PACSIN2: variants seen among roughly 807,000 people sequenced by gnomAD.
PACSIN2 encodes the protein protein kinase C and casein kinase substrate in neurons protein 2.
Under a neutral mutation model 63.8 loss-of-function variants are expected in PACSIN2, and 25 were observed. The ratio of observed to expected loss-of-function variants is 0.39; its 90% CI spans 0.29 to 0.55. The LOEUF (loss-of-function observed/expected upper bound fraction) is 0.55, where lower values mean the gene tolerates loss of function less well. PACSIN2 is among the 20% of genes least tolerant of loss of function. The pLI, the probability that PACSIN2 is intolerant of heterozygous loss-of-function variation, is 0.62. For missense variants in PACSIN2, 518 were observed against 646.9 expected (o/e 0.80, Z 2.16); for synonymous variants, 255 against 256.2 (o/e 1.00, Z 0.05).
intron 9 of PACSIN2, 33 bp downstream of exon 9, chr22:42,876,855 C>T (rs377715805): frequency 1.5e-4 from 243 of 1,613,482 alleles, no homozygotes; most frequent in East Asian, 6.0e-4. Flanking sequence ...AGAGTGAGCG[C>T]GGTGGGAGCA....
At chr22:42,908,595 G>A (rs566619453) in intron 2 of PACSIN2, among the ~76,000 whole-genome samples, 1 of 152,338 alleles carries the variant, frequency 6.6e-6, no homozygotes, top group South Asian at 2.1e-4. Context: ...GCCTGTGGGC[G>A]GGCCAGACCA....
intron 2 of PACSIN2, among the ~76,000 whole-genome samples, chr22:42,904,018 T>C (rs1351698700): frequency 6.6e-6 from 1 of 152,144 alleles, no homozygotes; most frequent in African/African-American, 2.4e-5. Flanking sequence ...GAGTTACGAA[T>C]CTTTAACTGA....
intron 2 of PACSIN2, among the ~76,000 whole-genome samples, chr22:42,895,582 A>T (rs1930221649): frequency 6.6e-6 from 1 of 152,220 alleles, no homozygotes; most frequent in African/African-American, 2.4e-5. Context: ...TGTTGGTACC[A>T]CCCATCGGCA....
intron 1 of PACSIN2, among the ~76,000 whole-genome samples, chr22:42,933,758 G>A (rs141385918): frequency 3.3e-5 from 5 of 152,328 alleles, no homozygotes; most frequent in East Asian, 1.9e-4. Context: ...GCAGAACAAC[G>A]GACTTTTCCC....
intron 9 of PACSIN2, 53 bp downstream of exon 9, chr22:42,876,831 AGAGG>A: frequency 6.2e-7 from 1 of 1,610,024 alleles, no homozygotes; most frequent in Admixed American, 1.7e-5. Context: ...GGACAGAGAG[AGAGG>A]AAGAGAGACA....
intron 1 of PACSIN2, among the ~76,000 whole-genome samples, chr22:42,987,502 C>T (rs1392728692): frequency 1.5e-5 from 2 of 133,306 alleles, no homozygotes; most frequent in Non-Finnish European, 1.6e-5. Flanking sequence ...ACCCATGGCA[C>T]CATGTTCAGA....
In PACSIN2 at chr22:42,881,825, C is replaced by T. The variant is rs867134465; in HGVS notation, c.906+359G>A. ...CCGTGAGGGGAGCACTGTGGCTGCT[C>T]CCTTCCTGGCCATCCCACAGGGTGG... is the stretch of plus-strand genomic sequence containing the variant. On this transcript the variant is annotated intron_variant, in intron 7 of 10. Coordinates refer to ENST00000263246, the MANE Select transcript of PACSIN2 (RefSeq NM_001184970.3). Among the ~76,000 whole-genome samples, 47 of 152,150 alleles carry T rather than the reference C, an allele frequency of 3.1e-4. No homozygotes were observed. The Middle Eastern group carries it at 0.01, about 33-fold the overall frequency.
intron 2 of PACSIN2, among the ~76,000 whole-genome samples, chr22:42,903,346 C>T (rs1359375289): frequency 6.6e-6 from 1 of 152,254 alleles, no homozygotes; most frequent in African/African-American, 2.4e-5. Context: ...TTTCTTCCAA[C>T]CTATCCTAAC....
intron 1 of PACSIN2, among the ~76,000 whole-genome samples, chr22:42,986,927 CT>C (rs1922657509): frequency 6.6e-6 from 1 of 152,158 alleles, no homozygotes; most frequent in Non-Finnish European, 1.5e-5. Flanking sequence ...AATAAAGCCC[CT>C]AAGATCCCCT....
intron 2 of PACSIN2, among the ~76,000 whole-genome samples, chr22:42,903,316 T>C (rs957426811): frequency 1.9e-4 from 29 of 152,202 alleles, no homozygotes; most frequent in African/African-American, 6.8e-4. Context: ...GATGTCCCCA[T>C]GGTGACAGCT....
chr22:42,927,821 A>G (rs1932636591), intron 1 of PACSIN2, among the ~76,000 whole-genome samples: 1 of 152,120 alleles, frequency 6.6e-6, no homozygotes, highest in African/African-American at 2.4e-5. Flanking sequence ...TCCAGACCTC[A>G]GGTGATCCGC....
At chr22:42,907,055 A>G (rs1931124063) in intron 2 of PACSIN2, among the ~76,000 whole-genome samples, 1 of 152,136 alleles carries the variant, frequency 6.6e-6, no homozygotes, top group Non-Finnish European at 1.5e-5. Flanking sequence ...GCAGCTCCCT[A>G]GGAAGGAGAT....
At chr22:42,995,892 G>T (rs1923361767) in intron 1 of PACSIN2, among the ~76,000 whole-genome samples, 1 of 152,008 alleles carries the variant, frequency 6.6e-6, no homozygotes. Context: ...AGTGAGACCT[G>T]CCCCCTTCCC....
At chr22:42,890,279 C>T (rs532294301) in intron 4 of PACSIN2, among the ~76,000 whole-genome samples, 9 of 152,254 alleles carry the variant, frequency 5.9e-5, no homozygotes, top group South Asian at 2.1e-4. Context: ...GGATTACAGG[C>T]GTGAGCCACC....
At chr22:42,998,189 T>C (rs1923538670) in intron 1 of PACSIN2, among the ~76,000 whole-genome samples, 4 of 152,206 alleles carry the variant, frequency 2.6e-5, no homozygotes, top group Admixed American at 2.0e-4. Context: ...AAGTCTTTGG[T>C]ACCATGAGAG....
chr22:42,942,118 T>A (rs1322258271), intron 1 of PACSIN2, among the ~76,000 whole-genome samples: 2 of 150,064 alleles, frequency 1.3e-5, no homozygotes, highest in Non-Finnish European at 3.0e-5. Context: ...TTTTTTTTTT[T>A]AATTCTTTCA....
intron 1 of PACSIN2, among the ~76,000 whole-genome samples, chr22:42,955,924 TG>T (rs752698455): frequency 7.2e-5 from 11 of 152,372 alleles, no homozygotes; most frequent in Middle Eastern, 6.8e-3. Context: ...AAAACTGTCA[TG>T]TGCTTCATTT....
chr22:42,912,976 A>G (rs1601509247), intron 1 of PACSIN2, among the ~76,000 whole-genome samples: 1 of 152,242 alleles, frequency 6.6e-6, no homozygotes, highest in Admixed American at 6.5e-5. Flanking sequence ...TTGAGCACCA[A>G]CAAGGCACAA....
chr22:42,938,437 C>T (rs372473749), intron 1 of PACSIN2, among the ~76,000 whole-genome samples: 1 of 152,322 alleles, frequency 6.6e-6, no homozygotes, highest in East Asian at 1.9e-4. Context: ...GAAGCCTGAC[C>T]TTCTCCCTTT....
Sources: allele counts gnomAD v4.1 joint callset (sites outside exome capture counted in the v4.1 genomes callset), GRCh38; gene constraint gnomAD v4.1.1; transcripts MANE v1.5; gene names NCBI Gene and HGNC (gene_info 2026-07-23, HGNC 2026-07-21).